The following COL4A1 variants were observed in gnomAD, a reference collection of about 807,000 sequenced individuals.
COL4A1 encodes collagen alpha-1(IV) chain.
In COL4A1, 40 loss-of-function variants were observed where a neutral mutation model predicts 216.6. That is an observed-to-expected ratio of 0.18 (90% CI 0.14 to 0.24). The LOEUF (loss-of-function observed/expected upper bound fraction) is 0.24, where lower values mean the gene tolerates loss of function less well. COL4A1 is among the 10% of genes least tolerant of loss of function. The probability of loss-of-function intolerance (pLI) is 1.00; values close to 1 mark genes in which losing one functional copy is unlikely to be tolerated. For synonymous variants in COL4A1, 839 were observed against 810.7 expected (o/e 1.03, Z -0.59); for missense variants, 1,628 against 2,196.8 (o/e 0.74, Z 5.18).
chr13:110,231,168 G>A lies in COL4A1; in HGVS notation c.144+11507C>T, dbSNP rs1162369886. 2.0e-5 allele frequency among the ~76,000 whole-genome samples: 3 copies of A among 152,210 alleles called. No homozygotes were observed. In the East Asian group the frequency reaches 5.8e-4, roughly 29 times the overall value. ...ATCCACCGAGGTGCCTCTTGCCCTT[G>A]CCCAGGACATATCGATGAGACTGGG... is the stretch of plus-strand genomic sequence containing the variant. On this transcript the variant is annotated intron_variant, in intron 2 of 51. Transcript: ENST00000375820.
chr13:110,293,796 G>A (rs1045505853), intron 1 of COL4A1, among the ~76,000 whole-genome samples: 3 of 152,134 alleles, frequency 2.0e-5, no homozygotes, highest in Admixed American at 2.0e-4. Flanking sequence ...TATTAACAGC[G>A]TGTCACTGTT....
intron 2 of COL4A1, among the ~76,000 whole-genome samples, chr13:110,242,025 C>G (rs934543012): frequency 1.6e-4 from 25 of 152,164 alleles, no homozygotes; most frequent in African/African-American, 5.8e-4. Context: ...CAGACAGTAC[C>G]AGGATGCTGC....
intron 1 of COL4A1, among the ~76,000 whole-genome samples, chr13:110,244,852 G>C (rs1566408388): frequency 6.6e-6 from 1 of 152,232 alleles, no homozygotes; most frequent in East Asian, 1.9e-4. Context: ...AAGAAATCAA[G>C]AAGGGTACTA....
Position 110,162,281 on chromosome 13 carries a change from A to T in COL4A1, c.4411T>A (p.Tyr1471Asn). ...PSGTKILYHG[Y>N]SLLYVQGNER... ...TTGCCTTGCACGTAGAGCAAAGAGT[A>T]CCCGTGGTAAAGAATTTTGGTCCCA... Residue 1471 changes from tyrosine to asparagine, a missense_variant, in exon 48 of 52, where the codon TAC (tyrosine) becomes AAC (asparagine). Coordinates refer to ENST00000375820, the MANE Select transcript of COL4A1 (RefSeq NM_001845.6). The T allele has an allele frequency of 1.2e-6, 2 of 1,614,216 alleles. No homozygotes were observed. Among genetic ancestry groups the T allele is most frequent in the Non-Finnish European group, 1.7e-6 (2 of 1,180,034 alleles).
intron 1 of COL4A1, among the ~76,000 whole-genome samples, chr13:110,253,244 T>C (rs1459901620): frequency 1.4e-5 from 2 of 141,066 alleles, no homozygotes; most frequent in East Asian, 4.2e-4. Flanking sequence ...TAATTAGGTA[T>C]ATATACATAT....
rs909059927 is a variant in COL4A1 at position 110,254,135 on chromosome 13, G to A, written c.85-11401C>T. Among the ~76,000 whole-genome samples, 3 of 152,126 alleles carry A rather than the reference G, an allele frequency of 2.0e-5. No homozygotes were observed. In the East Asian group the frequency reaches 5.8e-4, roughly 29 times the overall value. On this transcript the variant is annotated intron_variant, in intron 1 of 51. Coordinates refer to ENST00000375820, the MANE Select transcript of COL4A1 (RefSeq NM_001845.6). The stretch of plus-strand genomic sequence containing the variant: ...AACTGGGTCTAGGTTTGAAACCAGA[G>A]GATCACTTAGCTCCTAACAGAGGAT...
chr13:110,188,733 G>GC (rs1469497603), intron 24 of COL4A1, among the ~76,000 whole-genome samples: 1 of 152,218 alleles, frequency 6.6e-6, no homozygotes, highest in African/African-American at 2.4e-5. Context: ...TCTGTGTCCT[G>GC]CTCAAAGTCA....
In COL4A1 at chr13:110,207,251, C is replaced by T. The variant is rs369639239; in HGVS notation, c.780+152G>A. On this transcript the variant is annotated intron_variant, in intron 13 of 51. Transcript: ENST00000375820. This position sits in a 1 kb window ranked among gnomAD's most constrained non-coding sequence, Gnocchi z 4.4. ...AGCTGTCTCTGCTCTCAAAGGGGCTCGTATTTTATGGACTGAACAGTCTAT... is the reference window on the plus strand; with the variant it reads ...AGCTGTCTCTGCTCTCAAAGGGGCTTGTATTTTATGGACTGAACAGTCTAT... 1.4e-5 allele frequency: 10 copies of T among 739,046 alleles called. No homozygotes were observed. Among genetic ancestry groups the T allele is most frequent in the South Asian group, 6.4e-5 (4 of 62,128 alleles). The allele number at this position is 739,046 out of a possible 1,614,324, so 45.8% of individuals were successfully genotyped here. A position where few individuals can be genotyped will look rare whatever the true frequency, so the allele number is the denominator to read the frequency against.
chr13:110,247,608 C>T (rs4145072), intron 1 of COL4A1, among the ~76,000 whole-genome samples: 75,036 of 151,858 alleles, frequency 0.49, 18,718 homozygotes, highest in South Asian at 0.55. Flanking sequence ...GAAGAGAAGT[C>T]AATGGTTTTA....
intron 1 of COL4A1, among the ~76,000 whole-genome samples, chr13:110,287,417 A>C (rs1883886949): frequency 1.3e-5 from 2 of 152,164 alleles, no homozygotes; most frequent in Admixed American, 1.3e-4. Flanking sequence ...TCCTATTAAT[A>C]TCTTATCTTT....
In COL4A1 at chr13:110,181,376, T is replaced by C. The variant is rs761066635; in HGVS notation, c.2109A>G (p.Leu703=). The part of the protein sequence containing the change: ...GPPGPKGVDG[L]PGDMGPPGTP... ...TCCCCGGTGGCCCCATGTCTCCAGG[T>C]AAGCCGTCAACACCTGTTTTAAAGA... Residue 703 remains leucine (L), a synonymous_variant, in exon 29 of 52, where the codon TTA becomes TTG. Coordinates refer to ENST00000375820, the MANE Select transcript of COL4A1 (RefSeq NM_001845.6). The C allele has an allele frequency of 6.2e-7, 1 of 1,612,478 alleles. No individual in the cohort carries two copies. Among genetic ancestry groups the C allele is most frequent in the Admixed American group, 1.7e-5 (1 of 59,844 alleles).
chr13:110,218,436 T>C (rs939156074), intron 2 of COL4A1, among the ~76,000 whole-genome samples: 4 of 152,104 alleles, frequency 2.6e-5, no homozygotes, highest in African/African-American at 9.7e-5. Context: ...ATGTGCTGGG[T>C]GCATCCAAGG....
At chr13:110,262,610 C>A (rs1168813611) in intron 1 of COL4A1, among the ~76,000 whole-genome samples, 1 of 152,154 alleles carries the variant, frequency 6.6e-6, no homozygotes, top group Non-Finnish European at 1.5e-5. Flanking sequence ...CACATTCCTG[C>A]TACTGTACAA....
intron 42 of COL4A1, 68 bp downstream of exon 42, chr13:110,170,479 T>C: frequency 6.7e-7 from 1 of 1,490,308 alleles, no homozygotes; most frequent in Non-Finnish European, 9.1e-7. Context: ...AACTATTTCT[T>C]TTACGCTATT....
rs368220565 is a variant in COL4A1, at chr13:110,186,359, T to C, written c.1897+26A>G. The C allele has an allele frequency of 2.5e-6, 4 of 1,611,942 alleles. No individual in the cohort carries two copies. The African/African-American group carries it at 5.3e-5, about 22-fold the overall frequency. On this transcript the variant is annotated intron_variant, in intron 26 of 51. Coordinates refer to ENST00000375820, the MANE Select transcript of COL4A1 (RefSeq NM_001845.6). ...CTAACCTCCGTTTACAACTTCATGCTGCATCACGAGTTTCTCAGGCCTCAC... is the reference window on the plus strand; with the variant it reads ...CTAACCTCCGTTTACAACTTCATGCCGCATCACGAGTTTCTCAGGCCTCAC...
intron 1 of COL4A1, among the ~76,000 whole-genome samples, chr13:110,256,220 G>A (rs529432740): frequency 1.5e-4 from 23 of 152,154 alleles, no homozygotes; most frequent in Non-Finnish European, 1.8e-4. Flanking sequence ...GGCCCCAAGC[G>A]ACAGGGTGAA....
intron 1 of COL4A1, among the ~76,000 whole-genome samples, chr13:110,287,044 A>G (rs77458044): frequency 0.023 from 3,490 of 152,264 alleles, 83 homozygotes; most frequent in South Asian, 0.072. Context: ...GCCCACAGAG[A>G]TGCTGTTTGT....
chr13:110,206,991 G>A, intron 13 of COL4A1, 100 bp from the exon 14 acceptor site: 3 of 1,241,036 alleles, frequency 2.4e-6, no homozygotes. Context: ...ACCTTTTTCT[G>A]ATATATTAAC....
chr13:110,273,171 T>C (rs147646563), intron 1 of COL4A1, among the ~76,000 whole-genome samples: 1 of 152,334 alleles, frequency 6.6e-6, no homozygotes, highest in Non-Finnish European at 1.5e-5. Flanking sequence ...GCCTGGCAAA[T>C]CACTCACATG....
Sources: gnomAD v4.1 joint callset for allele counts (sites outside exome capture counted in the v4.1 genomes callset) on GRCh38, gnomAD v4.1.1 for gene constraint, Gnocchi (gnomAD v3.1) non-coding constraint, MANE v1.5 for transcripts, NCBI Gene and HGNC (gene_info 2026-07-23, HGNC 2026-07-21) for gene names.